DCLRE1C: variants seen among roughly 807,000 people sequenced by gnomAD.
The protein encoded by DCLRE1C is protein artemis.
Under a neutral mutation model 61.4 loss-of-function variants are expected in DCLRE1C, and 47 were observed. The ratio of observed to expected loss-of-function variants is 0.77; its 90% CI spans 0.61 to 0.98. The LOEUF is 0.98. Among genes scored for constraint, DCLRE1C ranks in the 50% least tolerant of loss-of-function variants. The probability of loss-of-function intolerance (pLI) is 0.00; values close to 1 mark genes in which losing one functional copy is unlikely to be tolerated. For synonymous variants in DCLRE1C, 337 were observed against 287.6 expected (o/e 1.17, Z -1.74); for missense variants, 858 against 816.0 (o/e 1.05, Z -0.63).
At chr10:14,933,336 T>C (rs1486560162) in intron 8 of DCLRE1C, among the ~76,000 whole-genome samples, 1 of 152,170 alleles carries the variant, frequency 6.6e-6, no homozygotes, top group Non-Finnish European at 1.5e-5. Context: ...ACAAAAACAA[T>C]CAAGAATCAT....
chr10:14,947,857 C>G (rs539597717), intron 2 of DCLRE1C, among the ~76,000 whole-genome samples: 1 of 152,008 alleles, frequency 6.6e-6, no homozygotes, highest in Admixed American at 6.6e-5. Context: ...GTCAGGAGTT[C>G]GAGACCAGCC....
chr10:14,949,335 C>T (rs1842126689), intron 1 of DCLRE1C, among the ~76,000 whole-genome samples: 1 of 152,158 alleles, frequency 6.6e-6, no homozygotes, highest in Non-Finnish European at 1.5e-5. Flanking sequence ...GCATCATAGG[C>T]CAGAGTTTAA....
chr10:14,900,509 G>GA (rs1414217994), downstream of DCLRE1C, among the ~76,000 whole-genome samples: 1 of 152,144 alleles, frequency 6.6e-6, no homozygotes, highest in Non-Finnish European at 1.5e-5. Flanking sequence ...AAACATTGAA[G>GA]AATTTTTTTC....
In DCLRE1C at chr10:14,935,528, G is replaced by A. The variant is rs764990444; in HGVS notation, c.399C>T (p.Tyr133=). 3.7e-6 allele frequency: 6 copies of A among 1,614,074 alleles called. 1 individual carries two copies. In the South Asian group the frequency reaches 5.5e-5, roughly 15 times the overall value. The change falls in exon 6 of 14, where the codon TAC becomes TAT. Residue 133 remains tyrosine (Y), a synonymous_variant. Transcript: ENST00000378278. ...CTTGCGCCAATCTGAAGTCTCCTGT[G>A]TACAGGACAGTTCCATTATTGCCCT... ...LFQGNNGTVL[Y]TGDFRLAQGE...
chr10:14,937,097 T>TGAAC (rs772716442), intron 4 of DCLRE1C, among the ~76,000 whole-genome samples: 5 of 152,126 alleles, frequency 3.3e-5, no homozygotes, highest in Admixed American at 6.5e-5. Flanking sequence ...CCGGAATAGG[T>TGAAC]GAACCCATGG....
intron 4 of DCLRE1C, among the ~76,000 whole-genome samples, chr10:14,939,267 T>A (rs1387056520): frequency 6.6e-6 from 1 of 152,026 alleles, no homozygotes; most frequent in Non-Finnish European, 1.5e-5. Flanking sequence ...TGAAACCCCT[T>A]CTCTACTAAA....
intron 2 of DCLRE1C, 182 bp from the exon 3 acceptor site, chr10:14,945,371 T>C: frequency 5.9e-6 from 8 of 1,345,570 alleles, no homozygotes; most frequent in Non-Finnish European, 6.7e-6. Context: ...ATCTATTTCA[T>C]CATACATCTA....
intron 12 of DCLRE1C, chr10:14,920,421 A>T: frequency 9.9e-7 from 1 of 1,011,632 alleles, no homozygotes; most frequent in Non-Finnish European, 1.2e-6. Context: ...CTCCTGGCAG[A>T]TTCCGGGAAG....
rs1564364239 is a variant in DCLRE1C at position 14,908,787 on chromosome 10, C to CTGT, written c.1697_1699dup (p.Asn566dup). 1 of 1,614,220 alleles carries CTGT rather than the reference C, an allele frequency of 6.2e-7. No homozygotes were observed. Among genetic ancestry groups the CTGT allele is most frequent in the African/African-American group, 1.3e-5 (1 of 75,058 alleles). On this transcript the variant is annotated inframe_insertion, in exon 14 of 14. Coordinates refer to ENST00000378278, the MANE Select transcript of DCLRE1C (RefSeq NM_001033855.3). The stretch of plus-strand genomic sequence containing the variant: ...TTTGTCCAAGGAAGTAATATCCCCA[C>CTGT]TGTTTCTCTCTTGGGAAGATAACAA...
rs1564360471 is a variant in DCLRE1C at position 14,908,164 on chromosome 10, G to GTTTTTTTTTTTT, written c.*243_*244insAAAAAAAAAAAA. On this transcript the variant is annotated 3_prime_UTR_variant, in exon 14 of 14. Coordinates refer to ENST00000378278, the MANE Select transcript of DCLRE1C (RefSeq NM_001033855.3). ...CCAGAGTAGCCCACCACCATGCCTG[G>GTTTTTTTTTTTT]CTTTTTTTTTTTTTTTTTTTTTTGT... The GTTTTTTTTTTTT allele has an allele frequency of 3.1e-6, 1 of 322,754 alleles. No homozygotes were observed. The highest frequency in any genetic ancestry group is 5.8e-5 in the African/African-American group (1 of 17,322). The allele number at this position is 322,754 out of a possible 1,614,324, so 20.0% of individuals were successfully genotyped here.
At chr10:14,927,822 G>T (rs1200327098) in intron 10 of DCLRE1C, among the ~76,000 whole-genome samples, 194 bp downstream of exon 10, 1 of 152,190 alleles carries the variant, frequency 6.6e-6, no homozygotes, top group Non-Finnish European at 1.5e-5. Flanking sequence ...GGGAACCTCA[G>T]GATACACCAG....
At chr10:14,900,324 T>C (rs1188360929), downstream of DCLRE1C, among the ~76,000 whole-genome samples, 2 of 152,138 alleles carry the variant, frequency 1.3e-5, no homozygotes, top group Non-Finnish European at 2.9e-5. Context: ...AGTAAAACAT[T>C]AGGCTTGTTA....
chr10:14,939,070 T>C (rs1840447800), intron 4 of DCLRE1C, among the ~76,000 whole-genome samples: 1 of 152,100 alleles, frequency 6.6e-6, no homozygotes, highest in Non-Finnish European at 1.5e-5. Context: ...ATCAGTGCCT[T>C]TATAAAAGAC....
chr10:14,922,392 G>T (rs943099315), intron 12 of DCLRE1C, among the ~76,000 whole-genome samples: 7 of 150,400 alleles, frequency 4.7e-5, no homozygotes, highest in Non-Finnish European at 8.8e-5. Flanking sequence ...AGTGAGCCGA[G>T]ATCATGCCAC....
chr10:14,912,598 G>A lies in DCLRE1C; in HGVS notation c.1157-3268C>T, dbSNP rs185769666. ...TTGAATATTGGTTGGCAATAAAAAGGTATGAAATACTGATATATGCCACAG... is the reference window on the plus strand; with the variant it reads ...TTGAATATTGGTTGGCAATAAAAAGATATGAAATACTGATATATGCCACAG... On this transcript the variant is annotated intron_variant, in intron 13 of 13. Coordinates refer to ENST00000378278, the MANE Select transcript of DCLRE1C (RefSeq NM_001033855.3). Among the ~76,000 whole-genome samples, 8 of 152,324 alleles carry A rather than the reference G, an allele frequency of 5.3e-5. No homozygotes were observed. In the South Asian group the frequency reaches 1.2e-3, roughly 24 times the overall value.
chr10:14,919,841 A>G lies in DCLRE1C; in HGVS notation c.1062-9T>C, dbSNP rs777718467. On this transcript the variant is annotated splice_polypyrimidine_tract_variant and intron_variant, in intron 12 of 13. Transcript: ENST00000378278. ...GGCATAAAGGCTTTAAGCTGAAATGAATCAGAATATTTGATTTTTCCTTTT... is the reference window on the plus strand; with the variant it reads ...GGCATAAAGGCTTTAAGCTGAAATGGATCAGAATATTTGATTTTTCCTTTT... 15 of 1,601,424 alleles carry G rather than the reference A, an allele frequency of 9.4e-6. No individual in the cohort carries two copies. In the Admixed American group the frequency reaches 1.5e-4, roughly 16 times the overall value.
intron 2 of DCLRE1C, among the ~76,000 whole-genome samples, chr10:14,948,117 A>G (rs1841955552): frequency 6.6e-6 from 1 of 152,018 alleles, no homozygotes; most frequent in Non-Finnish European, 1.5e-5. Flanking sequence ...GCTCATGCCT[A>G]TAAGCCCAGG....
At chr10:14,901,230 G>C, downstream of DCLRE1C, 1 of 1,613,978 alleles carries the variant, frequency 6.2e-7, no homozygotes, top group African/African-American at 1.3e-5. Context: ...ATAAATGCTG[G>C]AGAAGAGCTG....
At chr10:14,911,314 TA>T (rs1835216587) in intron 13 of DCLRE1C, 1 of 152,198 alleles carries the variant, frequency 6.6e-6, no homozygotes, top group Admixed American at 6.5e-5. Context: ...AACCATATAC[TA>T]AATGCTACTC....
Sources: gnomAD v4.1 joint callset for allele counts (sites outside exome capture counted in the v4.1 genomes callset) on GRCh38, gnomAD v4.1.1 for gene constraint, MANE v1.5 for transcripts, NCBI Gene and HGNC (gene_info 2026-07-23, HGNC 2026-07-21) for gene names.